PDE8A: variants seen among roughly 807,000 people sequenced by gnomAD.
The protein encoded by PDE8A is high affinity cAMP-specific and IBMX-insensitive 3',5'-cyclic phosphodiesterase 8A.
In PDE8A, 59 loss-of-function variants were observed where a neutral mutation model predicts 105.0. The observed-to-expected ratio is 0.56, with a 90% CI of 0.46 to 0.70. The LOEUF is 0.70. Ranked by LOEUF, PDE8A falls within the 30% of genes least tolerant of loss-of-function variation. The pLI is 0.00. For synonymous variants in PDE8A, 355 were observed against 371.9 expected (o/e 0.95, Z 0.52); for missense variants, 1,014 against 1,045.9 (o/e 0.97, Z 0.42).
At chr15:85,112,876 C>T (rs999490790) in intron 12 of PDE8A, among the ~76,000 whole-genome samples, 1 of 152,188 alleles carries the variant, frequency 6.6e-6, no homozygotes, top group African/African-American at 2.4e-5. Flanking sequence ...TTTACCTAAT[C>T]AGTCCAGATT....
chr15:85,065,392 T>G (rs1024118202), intron 2 of PDE8A, among the ~76,000 whole-genome samples: 2 of 146,614 alleles, frequency 1.4e-5, no homozygotes, highest in Non-Finnish European at 3.0e-5. Context: ...AGATGACGAG[T>G]TAGTGGGTGC....
chr15:85,051,501 T>C (rs1353965921), intron 1 of PDE8A, among the ~76,000 whole-genome samples: 1 of 152,144 alleles, frequency 6.6e-6, no homozygotes, highest in African/African-American at 2.4e-5. Context: ...CCGGGGTACT[T>C]AGGGATGTGC....
Position 85,113,439 on chromosome 15 carries a change from A to G in PDE8A, c.1177A>G (p.Ile393Val), listed in dbSNP as rs189786604. The G allele has an allele frequency of 3.4e-5, 55 of 1,613,796 alleles. No individual in the cohort carries two copies. The East Asian group carries it at 4.7e-4, about 14-fold the overall frequency. ...ACATTCCATGACAATTGAGGCGCCC[A>G]TCACCAAGGTGAAGCAGTTTGTGGT... ...RIHSMTIEAP[I>V]TKVINIINAA... Residue 393 changes from isoleucine (I) to valine (V), a missense_variant, in exon 13 of 22, where the codon ATC becomes GTC. Ile to Val is a conservative substitution (Grantham distance 29). Transcript: ENST00000394553.
In PDE8A at chr15:85,117,850, G is replaced by T. The variant is rs764610926; in HGVS notation, c.1734+11G>T. ...AAGGAGAGGATAAAGGTGAGCTGTT[G>T]TTTACCTGCCACATTTAATGGGCAG... On this transcript the variant is annotated intron_variant, in intron 17 of 21. Coordinates refer to ENST00000394553, the MANE Select transcript of PDE8A (RefSeq NM_002605.3). 1.9e-6 allele frequency: 3 copies of T among 1,604,008 alleles called. No homozygotes were observed. Among genetic ancestry groups the T allele is most frequent in the Non-Finnish European group, 2.6e-6 (3 of 1,171,246 alleles).
At chr15:85,082,125 T>G (rs2081476872) in intron 5 of PDE8A, among the ~76,000 whole-genome samples, 1 of 152,134 alleles carries the variant, frequency 6.6e-6, no homozygotes, top group Non-Finnish European at 1.5e-5. Flanking sequence ...GTCCAGTGTT[T>G]TTGGGTGTTC....
intron 11 of PDE8A, among the ~76,000 whole-genome samples, chr15:85,103,827 T>C (rs1167404927): frequency 2.6e-5 from 4 of 152,132 alleles, no homozygotes; most frequent in Admixed American, 1.3e-4. Flanking sequence ...TAGCATAGCT[T>C]CTTCACACCT....
rs373625469 is a variant in PDE8A, at chr15:85,083,413, C to T, written c.547-143C>T. On this transcript the variant is annotated intron_variant, in intron 5 of 21. Coordinates refer to ENST00000394553, the MANE Select transcript of PDE8A (RefSeq NM_002605.3). ...AATCTGGTGCCCATAAAGTTTCTCT[C>T]TTACCTTCTGTTCATCATTAATGAT... 21 of 557,502 alleles carry T rather than the reference C, an allele frequency of 3.8e-5. No homozygotes were observed. The East Asian group carries it at 5.1e-4, about 14-fold the overall frequency. 34.5% of individuals were successfully genotyped at this position (557,502 alleles called of 1,614,324 possible). A position where few individuals can be genotyped will look rare whatever the true frequency, so the allele number is the denominator to read the frequency against.
chr15:85,079,347 G>A (rs531080533), intron 5 of PDE8A, among the ~76,000 whole-genome samples: 1 of 152,330 alleles, frequency 6.6e-6, no homozygotes, highest in East Asian at 1.9e-4. Context: ...ATGAGCCCAA[G>A]AAGTATTCAT....
rs756522197 is a variant in PDE8A at position 85,089,395 on chromosome 15, A to T, written c.693A>T (p.Thr231=). The T allele has an allele frequency of 2.7e-5, 43 of 1,589,514 alleles. No homozygotes were observed. Among genetic ancestry groups the T allele is most frequent in the Non-Finnish European group, 3.5e-5 (41 of 1,160,302 alleles). The change falls in exon 7 of 22, where the codon ACA becomes ACT. Residue 231 remains threonine, a synonymous_variant. Coordinates refer to ENST00000394553, the MANE Select transcript of PDE8A (RefSeq NM_002605.3). ...ACAGTGAAGATGCAATTGAAATTAC[A>T]AGCGAAGACCGTTTTATACAGGTTT... ...LENSEDAIEI[T]SEDRFIQYAN...
intron 19 of PDE8A, 24 bp downstream of exon 19, chr15:85,123,217 G>A: frequency 6.2e-7 from 1 of 1,612,804 alleles, no homozygotes; most frequent in Non-Finnish European, 8.5e-7. Context: ...ATTGCAAAGA[G>A]AACCTGTGTT....
chr15:85,036,158 A>G (rs761489080), intron 1 of PDE8A, among the ~76,000 whole-genome samples: 1 of 152,210 alleles, frequency 6.6e-6, no homozygotes, highest in Admixed American at 6.5e-5. Context: ...TCCACTCCTC[A>G]TTAACCCTGG....
intron 1 of PDE8A, among the ~76,000 whole-genome samples, chr15:85,005,911 A>AAC (rs1246054239): frequency 2.0e-5 from 3 of 152,236 alleles, no homozygotes; most frequent in African/African-American, 7.2e-5. Context: ...AGTATGTGGA[A>AAC]ACACATGCCA....
chr15:84,997,052 C>T (rs1204289587), intron 1 of PDE8A, among the ~76,000 whole-genome samples: 2 of 152,084 alleles, frequency 1.3e-5, no homozygotes, highest in African/African-American at 2.4e-5. Context: ...TCTCAGCTTA[C>T]TGTAACTTTT....
chr15:85,047,838 C>T (rs1258133380), intron 1 of PDE8A, among the ~76,000 whole-genome samples: 2 of 152,146 alleles, frequency 1.3e-5, no homozygotes, highest in African/African-American at 4.8e-5. Flanking sequence ...CAGCTTGTGA[C>T]CAACACTATG....
At chr15:85,075,026 C>T (rs747159132) in intron 3 of PDE8A, among the ~76,000 whole-genome samples, 3 of 152,232 alleles carry the variant, frequency 2.0e-5, no homozygotes, top group Admixed American at 6.5e-5. Flanking sequence ...TGGAGTTGTT[C>T]TTCTCTAGAG....
chr15:85,136,584 C>T lies in PDE8A; in HGVS notation c.2304C>T (p.Asp768=). ...QGLPVVMPVF[D]RNTCSIPKSQ... Reference sequence around the variant, plus strand: ...TACCTGTGGTGATGCCAGTGTTTGACAGAAATACCTGCAGCATCCCCAAAT... The same window carrying T: ...TACCTGTGGTGATGCCAGTGTTTGATAGAAATACCTGCAGCATCCCCAAAT... The change falls in exon 21 of 22, where the codon GAC becomes GAT. Residue 768 remains aspartate (D), a synonymous_variant. Transcript: ENST00000394553. 4 of 1,613,720 alleles carry T rather than the reference C, an allele frequency of 2.5e-6. No individual in the cohort carries two copies. The highest frequency in any genetic ancestry group is 2.5e-6 in the Non-Finnish European group (3 of 1,179,684).
intron 6 of PDE8A, among the ~76,000 whole-genome samples, chr15:85,088,527 G>A (rs531866481): frequency 1.7e-4 from 26 of 152,236 alleles, no homozygotes; most frequent in African/African-American, 6.0e-4. Flanking sequence ...GGACATTTGG[G>A]TTTTTTCCAT....
At chr15:85,034,688 G>A (rs181654076) in intron 1 of PDE8A, among the ~76,000 whole-genome samples, 60 of 152,314 alleles carry the variant, frequency 3.9e-4, no homozygotes, top group Non-Finnish European at 7.5e-4. Flanking sequence ...AAAGAATGGT[G>A]CAGGAGAAGA....
At chr15:85,123,306 T>TAAA in intron 19 of PDE8A, 113 bp downstream of exon 19, 1 of 848,526 alleles carries the variant, frequency 1.2e-6, no homozygotes, top group Non-Finnish European at 1.9e-6. Flanking sequence ...AGTGAGTCTA[T>TAAA]TAGACTCTTA....
Sources: allele counts gnomAD v4.1 joint callset (sites outside exome capture counted in the v4.1 genomes callset), GRCh38; gene constraint gnomAD v4.1.1; transcripts MANE v1.5; gene names NCBI Gene and HGNC (gene_info 2026-07-23, HGNC 2026-07-21).